The following TBC1D5 variants were observed in gnomAD, a reference collection of about 807,000 sequenced individuals.
TBC1D5 encodes TBC1 domain family member 5, also known as TBC1 domain family, member 5.
TBC1D5 carries 75 observed loss-of-function variants against 100.3 expected under a neutral mutation model. That is an observed-to-expected ratio of 0.75 (90% CI 0.62 to 0.91). TBC1D5 has a LOEUF of 0.91. TBC1D5 is among the 40% of genes least tolerant of loss of function. The probability of loss-of-function intolerance (pLI) is 0.00; values close to 1 mark genes in which losing one functional copy is unlikely to be tolerated. For synonymous variants in TBC1D5, 323 were observed against 325.6 expected, an observed-to-expected ratio of 0.99 and a Z score of 0.09; for missense variants, 910 against 942.4, an observed-to-expected ratio of 0.97 and a Z score of 0.45.
intron 2 of TBC1D5, among the ~76,000 whole-genome samples, chr3:17,551,310 G>A (rs1318236440): frequency 1.3e-5 from 2 of 152,092 alleles, no homozygotes. Context: ...ACAGGGCAGA[G>A]ACCACCTGAA....
chr3:17,313,127 C>T (rs1446839512), intron 13 of TBC1D5, among the ~76,000 whole-genome samples: 1 of 152,102 alleles, frequency 6.6e-6, no homozygotes, highest in East Asian at 1.9e-4. Context: ...TGTGAGAATC[C>T]TCTTGTCCAT....
chr3:17,541,228 A>C (rs1226614724), intron 2 of TBC1D5, among the ~76,000 whole-genome samples: 1 of 150,528 alleles, frequency 6.6e-6, no homozygotes, highest in African/African-American at 2.4e-5. Context: ...TGGGATTTTG[A>C]CAGGGATGCA....
chr3:17,293,338 T>C (rs1035107928), intron 14 of TBC1D5, among the ~76,000 whole-genome samples: 5 of 152,218 alleles, frequency 3.3e-5, no homozygotes, highest in African/African-American at 9.6e-5. Context: ...AATTAAGACT[T>C]AATCAATTCA....
chr3:17,299,219 T>C (rs79625397), intron 14 of TBC1D5, among the ~76,000 whole-genome samples: 2,289 of 152,222 alleles, frequency 0.015, 49 homozygotes, highest in African/African-American at 0.052. Flanking sequence ...GCAGCTTATG[T>C]GGTGTGGATA....
chr3:17,473,614 C>A (rs1190336969), intron 3 of TBC1D5, among the ~76,000 whole-genome samples: 1 of 152,230 alleles, frequency 6.6e-6, no homozygotes, highest in African/African-American at 2.4e-5. Flanking sequence ...GATCAACCTA[C>A]TTAATAATCT....
At chr3:17,428,113 A>G (rs969106771) in intron 4 of TBC1D5, among the ~76,000 whole-genome samples, 1 of 151,836 alleles carries the variant, frequency 6.6e-6, no homozygotes, top group African/African-American at 2.4e-5. Context: ...GTACCGTAAC[A>G]GATATACTGG....
chr3:17,383,994 G>A, exon 9 of TBC1D5: 1 of 1,596,030 alleles, frequency 6.3e-7, no homozygotes, highest in East Asian at 2.2e-5. Flanking sequence ...TTTCTTGCTG[G>A]AAAAACTGCA....
intron 13 of TBC1D5, among the ~76,000 whole-genome samples, chr3:17,342,225 A>C (rs1052754335): frequency 6.6e-6 from 1 of 152,210 alleles, no homozygotes; most frequent in Non-Finnish European, 1.5e-5. Flanking sequence ...CTAATTGTAG[A>C]CTACAGAGTC....
chr3:17,371,247 CA>C (rs1234720611), intron 13 of TBC1D5, among the ~76,000 whole-genome samples: 2 of 152,022 alleles, frequency 1.3e-5, no homozygotes, highest in African/African-American at 2.4e-5. Flanking sequence ...GAGGGTAGAA[CA>C]AAAGATGATC....
chr3:17,656,535 C>T (rs2066079384), intron 1 of TBC1D5, among the ~76,000 whole-genome samples: 1 of 152,124 alleles, frequency 6.6e-6, no homozygotes. Flanking sequence ...TAAAACCAGG[C>T]CCTGTTCTCA....
At chr3:17,514,474 A>C (rs1256103833) in intron 2 of TBC1D5, among the ~76,000 whole-genome samples, 1 of 152,198 alleles carries the variant, frequency 6.6e-6, no homozygotes, top group Non-Finnish European at 1.5e-5. Flanking sequence ...TCAACATATA[A>C]GAACAATGAT....
At chr3:17,281,087 G>A (rs1001130314) in intron 15 of TBC1D5, among the ~76,000 whole-genome samples, 3 of 152,192 alleles carry the variant, frequency 2.0e-5, no homozygotes, top group African/African-American at 7.2e-5. Context: ...TCCAGAGAGG[G>A]CACACCAGTT....
chr3:17,391,129 T>C (rs942287227), intron 8 of TBC1D5, among the ~76,000 whole-genome samples: 1 of 152,148 alleles, frequency 6.6e-6, no homozygotes, highest in East Asian at 1.9e-4. Context: ...AAAACTCCAC[T>C]GGGATTGTGC....
At chr3:17,533,850 C>G (rs1425351731) in intron 2 of TBC1D5, among the ~76,000 whole-genome samples, 1 of 151,634 alleles carries the variant, frequency 6.6e-6, no homozygotes, top group East Asian at 1.9e-4. Context: ...TCTCTTTCTC[C>G]TTCATTCTCC....
intron 13 of TBC1D5, among the ~76,000 whole-genome samples, chr3:17,362,304 C>G (rs1421482113): frequency 6.6e-6 from 1 of 152,116 alleles, no homozygotes. Flanking sequence ...TAAGTGTTTG[C>G]TCTATGAAAG....
chr3:17,497,655 T>C (rs1413478686), intron 3 of TBC1D5, among the ~76,000 whole-genome samples: 1 of 152,208 alleles, frequency 6.6e-6, no homozygotes, highest in Non-Finnish European at 1.5e-5. Flanking sequence ...TCAGTCCTAT[T>C]CCATTCAAAT....
chr3:17,441,292 G>A (rs545145358), intron 3 of TBC1D5, among the ~76,000 whole-genome samples: 3 of 152,154 alleles, frequency 2.0e-5, no homozygotes, highest in Non-Finnish European at 4.4e-5. Context: ...GGAGGAGCAG[G>A]CGGAGAAAAC....
chr3:17,394,462 T>C (rs1348339724), intron 8 of TBC1D5, among the ~76,000 whole-genome samples: 2 of 152,100 alleles, frequency 1.3e-5, no homozygotes, highest in Non-Finnish European at 2.9e-5. Flanking sequence ...CTTTTCACCT[T>C]TGCAAAATAA....
At chr3:17,530,351 G>A (rs1234063351) in intron 2 of TBC1D5, among the ~76,000 whole-genome samples, 1 of 152,188 alleles carries the variant, frequency 6.6e-6, no homozygotes, top group East Asian at 1.9e-4. Context: ...TGGGGGGTTG[G>A]GGGGTGGTTA....
Sources: allele counts gnomAD v4.1 joint callset (sites outside exome capture counted in the v4.1 genomes callset), GRCh38; gene constraint gnomAD v4.1.1; transcripts MANE v1.5; gene names NCBI Gene and HGNC (gene_info 2026-07-23, HGNC 2026-07-21).